ATP11B: variants seen among roughly 807,000 people sequenced by gnomAD.
ATP11B encodes ATPase phospholipid transporting 11B (putative).
ATP11B carries 81 observed loss-of-function variants against 157.8 expected under a neutral mutation model. That is an observed-to-expected ratio of 0.51 (90% confidence interval 0.43 to 0.62). The LOEUF (loss-of-function observed/expected upper bound fraction) is 0.62. Among genes scored for constraint, ATP11B ranks in the 20% least tolerant of loss-of-function variants. The pLI, the probability that ATP11B is intolerant of heterozygous loss-of-function variation, is 0.00. For missense variants in ATP11B, 1,165 were observed against 1,402.2 expected (o/e 0.83, Z 2.70); for synonymous variants, 451 against 469.4 (o/e 0.96, Z 0.51).
At position 182,884,869 on chromosome 3, in the gene ATP11B, G is replaced by A. The variant is rs1722694496; in HGVS notation, c.2626G>A (p.Ala876Thr). 5 of 1,520,790 alleles carry A rather than the reference G, an allele frequency of 3.3e-6. No homozygotes were observed. The highest frequency in any genetic ancestry group is 4.5e-6 in the Non-Finnish European group (5 of 1,106,162). 94.2% of individuals were successfully genotyped at this position (1,520,790 alleles called of 1,614,324 possible). A position where few individuals can be genotyped will look rare whatever the true frequency, so the allele number is the denominator to read the frequency against. ...VHGHFYYIRIATLVQYFFYKN... is the reference protein window; with the variant it reads ...VHGHFYYIRITTLVQYFFYKN... Reference sequence around the variant, plus strand: ...TGGTCATTTTTATTATATTAGAATAGCTACCCTTGTACAGTATTTTTTTTA... The same window carrying A: ...TGGTCATTTTTATTATATTAGAATAACTACCCTTGTACAGTATTTTTTTTA... Residue 876 changes from alanine to threonine, a missense_variant, in exon 22 of 30, where the codon GCT (alanine) becomes ACT (threonine). By Grantham distance (58) the Ala-to-Thr change is moderately conservative. Transcript: ENST00000323116.
At position 182,839,084 on chromosome 3, in the gene ATP11B, C is replaced by T. The variant is rs187846703; in HGVS notation, c.656+1910C>T. 5.1e-4 allele frequency among the ~76,000 whole-genome samples: 77 copies of T among 152,208 alleles called. 1 individual carries two copies. The highest frequency in any genetic ancestry group is 1.9e-3 in the African/African-American group (77 of 41,526). On this transcript the variant is annotated intron_variant, in intron 7 of 29. Transcript: ENST00000323116. The stretch of plus-strand genomic sequence containing the variant: ...AAGAAAATGAGGTACATATACACCA[C>T]AGAATACTATGTAGGCACAAAAAAG...
At chr3:182,819,017 C>G (rs534712603) in intron 1 of ATP11B, among the ~76,000 whole-genome samples, 1 of 150,826 alleles carries the variant, frequency 6.6e-6, no homozygotes, top group African/African-American at 2.4e-5. Flanking sequence ...ATATTGCTTT[C>G]AGCCCATCAG....
In ATP11B at chr3:182,915,602, C is replaced by T. The variant is rs1052823075; in HGVS notation, c.3452+1608C>T. 2.8e-5 allele frequency: 27 copies of T among 969,126 alleles called. No homozygotes were observed. In the South Asian group the frequency reaches 9.1e-4, roughly 33 times the overall value. 60.0% of individuals were successfully genotyped at this position (969,126 alleles called of 1,614,324 possible). On this transcript the variant is annotated intron_variant, in intron 29 of 29. Coordinates refer to ENST00000323116, the MANE Select transcript of ATP11B (RefSeq NM_014616.3). ...GAAATTTCTCTTTAATGACAATATA[C>T]GTTTTTGTTAATGATTTTTTTAAAA...
chr3:182,869,922 G>T (rs1379970313), intron 17 of ATP11B, among the ~76,000 whole-genome samples: 3 of 152,250 alleles, frequency 2.0e-5, no homozygotes, highest in Non-Finnish European at 4.4e-5. Context: ...TCAGTCAGCT[G>T]TTAAGAGGAA....
In ATP11B at chr3:182,921,048, T is replaced by G. The variant is rs1370152344; in HGVS notation, c.*2944T>G. 1 of 152,152 alleles carries G rather than the reference T, an allele frequency of 6.6e-6. No individual in the cohort carries two copies. Among genetic ancestry groups the G allele is most frequent in the Non-Finnish European group, 1.5e-5 (1 of 68,038 alleles). 9.4% of individuals were successfully genotyped at this position (152,152 alleles called of 1,614,324 possible). On this transcript the variant is annotated 3_prime_UTR_variant, in exon 30 of 30. Coordinates refer to ENST00000323116, the MANE Select transcript of ATP11B (RefSeq NM_014616.3). ...TTGAACTTATCTGATCGCTTGAGAC[T>G]CCTAATAGGCAGGAGTCAAGGCCAC...
chr3:182,865,383 A>G, intron 12 of ATP11B, 73 bp from the exon 13 acceptor site: 1 of 1,478,666 alleles, frequency 6.8e-7, no homozygotes, highest in Non-Finnish European at 9.1e-7. Flanking sequence ...GAGCGAGGAC[A>G]GAGATTTTTT....
chr3:182,921,517 T>C lies in ATP11B; in HGVS notation c.*3413T>C, dbSNP rs1266764392. 6.6e-6 allele frequency: 1 copy of C among 152,214 alleles called. No individual in the cohort carries two copies. Among genetic ancestry groups the C allele is most frequent in the Non-Finnish European group, 1.5e-5 (1 of 68,030 alleles). The allele number at this position is 152,214 out of a possible 1,614,324, so 9.4% of individuals were successfully genotyped here. A position where few individuals can be genotyped will look rare whatever the true frequency, so the allele number is the denominator to read the frequency against. On this transcript the variant is annotated 3_prime_UTR_variant, in exon 30 of 30. Transcript: ENST00000323116. Reference sequence around the variant, plus strand: ...GAGACACTGTGGCTGTCTAATGTAATCCTTTAAAAATTCTCTGCATTGTCA... The same window carrying C: ...GAGACACTGTGGCTGTCTAATGTAACCCTTTAAAAATTCTCTGCATTGTCA...
intron 7 of ATP11B, among the ~76,000 whole-genome samples, chr3:182,838,008 CCCTCA>C (rs1718685052): frequency 6.6e-6 from 1 of 152,020 alleles, no homozygotes; most frequent in African/African-American, 2.4e-5. Context: ...GTAGAAATCA[CCCTCA>C]GCTTCTTGTC....
chr3:182,841,502 A>G (rs1577003357), intron 7 of ATP11B, among the ~76,000 whole-genome samples: 1 of 152,316 alleles, frequency 6.6e-6, no homozygotes, highest in East Asian at 1.9e-4. Flanking sequence ...TCAAAATCCA[A>G]AATGATCCAG....
chr3:182,900,085 T>C (rs766730654), intron 28 of ATP11B, among the ~76,000 whole-genome samples: 1 of 152,240 alleles, frequency 6.6e-6, no homozygotes, highest in Non-Finnish European at 1.5e-5. Flanking sequence ...TTAGGCTTCC[T>C]GACCAGTGCA....
intron 12 of ATP11B, among the ~76,000 whole-genome samples, chr3:182,861,895 G>A (rs1031327457): frequency 1.3e-5 from 2 of 150,754 alleles, no homozygotes; most frequent in Admixed American, 1.3e-4. Context: ...AGTGAACCCT[G>A]GTCACACCAC....
chr3:182,845,830 T>C (rs893965838), intron 9 of ATP11B, among the ~76,000 whole-genome samples: 5 of 152,208 alleles, frequency 3.3e-5, no homozygotes, highest in Non-Finnish European at 7.3e-5. Context: ...TATAATATGG[T>C]ATCATGGTAC....
intron 24 of ATP11B, 119 bp downstream of exon 24, chr3:182,887,832 T>G (rs1010043709): frequency 3.8e-6 from 4 of 1,041,964 alleles, no homozygotes; most frequent in Non-Finnish European, 5.5e-6. Context: ...TGTCGTATGA[T>G]TTACAGTTGT....
intron 19 of ATP11B, among the ~76,000 whole-genome samples, chr3:182,877,481 A>G (rs1275891740): frequency 1.3e-5 from 2 of 152,160 alleles, no homozygotes; most frequent in African/African-American, 4.8e-5. Flanking sequence ...GTCTCTACAA[A>G]CAATACAAAA....
chr3:182,836,622 G>T lies in ATP11B; in HGVS notation c.552+152G>T, dbSNP rs941357059. 4.6e-6 allele frequency: 4 copies of T among 875,550 alleles called. No individual in the cohort carries two copies. In the East Asian group the frequency reaches 1.1e-4, roughly 23 times the overall value. 54.2% of individuals were successfully genotyped at this position (875,550 alleles called of 1,614,324 possible). A position where few individuals can be genotyped will look rare whatever the true frequency, so the allele number is the denominator to read the frequency against. ...TCAAAAATAAAAAGGTTTTAAGAAA[G>T]AATTGATGTTATATCTTTATTTCAA... On this transcript the variant is annotated intron_variant, in intron 6 of 29. Coordinates refer to ENST00000323116, the MANE Select transcript of ATP11B (RefSeq NM_014616.3).
chr3:182,889,963 G>C (rs1161771446), intron 25 of ATP11B, among the ~76,000 whole-genome samples: 1 of 152,164 alleles, frequency 6.6e-6, no homozygotes, highest in Non-Finnish European at 1.5e-5. Flanking sequence ...CCATTTTTCA[G>C]ATGGCAAATG....
chr3:182,832,666 C>G (rs1718242165), intron 4 of ATP11B, among the ~76,000 whole-genome samples: 1 of 152,098 alleles, frequency 6.6e-6, no homozygotes, highest in Non-Finnish European at 1.5e-5. Context: ...ATGAGGTTGT[C>G]AGTTGTTTGC....
In ATP11B at chr3:182,793,692, T is replaced by G. The variant is rs1258896403; in HGVS notation, c.-68T>G. The G allele has an allele frequency of 1.7e-6, 2 of 1,163,272 alleles. No homozygotes were observed. Among genetic ancestry groups the G allele is most frequent in the Admixed American group, 5.4e-5 (2 of 37,292 alleles). The allele number at this position is 1,163,272 out of a possible 1,614,324, so 72.1% of individuals were successfully genotyped here. On this transcript the variant is annotated 5_prime_UTR_variant, in exon 1 of 30. Transcript: ENST00000323116. ...GGGCTCGCCCGCTCCCGCCTCTGTCTTGTCGGCCTCCACCTGCAGCCCCGC... is the reference window on the plus strand; with the variant it reads ...GGGCTCGCCCGCTCCCGCCTCTGTCGTGTCGGCCTCCACCTGCAGCCCCGC...
At chr3:182,859,476 T>A in intron 12 of ATP11B, 117 bp downstream of exon 12, 1 of 821,090 alleles carries the variant, frequency 1.2e-6, no homozygotes, top group South Asian at 2.7e-5. Flanking sequence ...AACCCCCCTT[T>A]GCTCCACTCC....
Sources: gnomAD v4.1 joint callset for allele counts (sites outside exome capture counted in the v4.1 genomes callset) on GRCh38, gnomAD v4.1.1 for gene constraint, MANE v1.5 for transcripts, NCBI Gene and HGNC (gene_info 2026-07-23, HGNC 2026-07-21) for gene names.